Variants in GUCY1A2 observed in about 807,000 individuals in gnomAD.
The protein encoded by GUCY1A2 is guanylate cyclase 1 soluble subunit alpha 2, also known as guanylate cyclase soluble subunit alpha-2.
A neutral mutation model predicts 63.5 loss-of-function variants in GUCY1A2; 27 were observed. The observed-to-expected ratio is 0.43, with a 90% CI of 0.31 to 0.59. The LOEUF (loss-of-function observed/expected upper bound fraction) is 0.59. Among genes scored for constraint, GUCY1A2 ranks in the 20% least tolerant of loss-of-function variants. The pLI, the probability that GUCY1A2 is intolerant of heterozygous loss-of-function variation, is 0.11. For synonymous variants in GUCY1A2, 364 were observed against 343.5 expected (o/e 1.06, Z -0.66); for missense variants, 768 against 913.3 (o/e 0.84, Z 2.05).
intron 4 of GUCY1A2, among the ~76,000 whole-genome samples, chr11:106,878,816 G>GGGA (rs1253809796): frequency 6.6e-6 from 1 of 151,220 alleles, no homozygotes; most frequent in African/African-American, 2.4e-5. Context: ...AGTTGGAAAG[G>GGGA]GGAAGCAAAT....
intron 4 of GUCY1A2, among the ~76,000 whole-genome samples, chr11:106,846,666 C>A (rs1256355203): frequency 6.6e-6 from 1 of 151,656 alleles, no homozygotes; most frequent in Non-Finnish European, 1.5e-5. Flanking sequence ...TTGTTCTGAA[C>A]TGTACATCTG....
At chr11:106,723,424 G>T (rs1334711325) in intron 6 of GUCY1A2, among the ~76,000 whole-genome samples, 1 of 152,074 alleles carries the variant, frequency 6.6e-6, no homozygotes, top group South Asian at 2.1e-4. Context: ...TGTCTCCTTT[G>T]CTTAGTACTG....
chr11:106,839,905 T>G lies in GUCY1A2; in HGVS notation c.1207-29427A>C, dbSNP rs898161259. On this transcript the variant is annotated intron_variant, in intron 4 of 7. Transcript: ENST00000526355. ...GGATAGCATTAGGAGATATACCTAG[T>G]GTAAATGACGAGTTAATGGGTGCAG... Among the ~76,000 whole-genome samples, 4 of 151,132 alleles carry G rather than the reference T, an allele frequency of 2.6e-5. No homozygotes were observed. The East Asian group carries it at 7.9e-4, about 30-fold the overall frequency.
chr11:107,007,663 T>C (rs879769527), intron 1 of GUCY1A2, among the ~76,000 whole-genome samples: 1 of 152,220 alleles, frequency 6.6e-6, no homozygotes, highest in Non-Finnish European at 1.5e-5. Context: ...TAGGCAGTTC[T>C]CTTCCCCAAT....
chr11:107,013,959 T>C (rs927084238), intron 1 of GUCY1A2, among the ~76,000 whole-genome samples: 1 of 151,898 alleles, frequency 6.6e-6, no homozygotes, highest in African/African-American at 2.4e-5. Context: ...ACCTGCCACA[T>C]AGATACTACA....
chr11:106,828,937 C>G (rs1859013091), intron 4 of GUCY1A2, among the ~76,000 whole-genome samples: 1 of 152,158 alleles, frequency 6.6e-6, no homozygotes, highest in Non-Finnish European at 1.5e-5. Flanking sequence ...GATTTTCCTC[C>G]AACATTCGTG....
At chr11:106,898,371 G>C (rs1054336419) in intron 4 of GUCY1A2, among the ~76,000 whole-genome samples, 1 of 152,190 alleles carries the variant, frequency 6.6e-6, no homozygotes, top group African/African-American at 2.4e-5. Flanking sequence ...TTGAAAACAT[G>C]TATGCACACA....
chr11:106,820,390 C>T lies in GUCY1A2; in HGVS notation c.1207-9912G>A, dbSNP rs577197358. On this transcript the variant is annotated intron_variant, in intron 4 of 7. Coordinates refer to ENST00000526355, the MANE Select transcript of GUCY1A2 (RefSeq NM_000855.3). ...TGAGCAGCCAGTACTAGGCTAAGCA[C>T]TTTTTAAAAAAAATATTATTTATTT... 1.9e-3 allele frequency among the ~76,000 whole-genome samples: 295 copies of T among 152,172 alleles called. 3 individuals carry two copies. Among genetic ancestry groups the T allele is most frequent in the African/African-American group, 6.7e-3 (278 of 41,540 alleles).
At chr11:106,822,659 C>T (rs1444660076) in intron 4 of GUCY1A2, among the ~76,000 whole-genome samples, 1 of 152,110 alleles carries the variant, frequency 6.6e-6, no homozygotes, top group Non-Finnish European at 1.5e-5. Flanking sequence ...GGATAATAGC[C>T]TCCAGCTGAA....
At position 107,017,865 on chromosome 11, in the gene GUCY1A2, G is replaced by T; in HGVS notation, c.191C>A (p.Ala64Asp). The T allele has an allele frequency of 8.0e-7, 1 of 1,252,070 alleles. No individual in the cohort carries two copies. The highest frequency in any genetic ancestry group is 1.0e-6 in the Non-Finnish European group (1 of 997,208). The allele number at this position is 1,252,070 out of a possible 1,614,324, so 77.6% of individuals were successfully genotyped here. A position where few individuals can be genotyped will look rare whatever the true frequency, so the allele number is the denominator to read the frequency against. The change falls in exon 1 of 8, where the codon GCT becomes GAT. Residue 64 changes from alanine (A) to aspartate (D), a missense_variant. Ala to Asp is a moderately radical substitution (Grantham distance 126). This residue lies in a region of GUCY1A2 where 496 missense variants were observed against 486.9 expected (regional missense o/e 1.02). Transcript: ENST00000526355. ...AAAAAPAPTP[A>D]ASAAAAAATA... ...GGCAGCGGCGGCGGCGGCAGAAGCA[G>T]CCGGGGTCGGGGCCGGGGCGGCGGC...
At chr11:106,706,832 C>G (rs1384159768) in intron 7 of GUCY1A2, among the ~76,000 whole-genome samples, 1 of 152,172 alleles carries the variant, frequency 6.6e-6, no homozygotes, top group East Asian at 1.9e-4. Context: ...CAGAAAGTAT[C>G]AGAATCACTG....
In GUCY1A2 at chr11:106,683,056, C is replaced by T. The variant is rs564707098; in HGVS notation, c.*4493G>A. On this transcript the variant is annotated 3_prime_UTR_variant, in exon 8 of 8. Coordinates refer to ENST00000526355, the MANE Select transcript of GUCY1A2 (RefSeq NM_000855.3). ...AATAAATTTTGTTCAATCACATGAACACAATTTATGTGTATGTTAAACCAG... is the reference window on the plus strand; with the variant it reads ...AATAAATTTTGTTCAATCACATGAATACAATTTATGTGTATGTTAAACCAG... 1.8e-5 allele frequency: 4 copies of T among 217,846 alleles called. No individual in the cohort carries two copies. The highest frequency in any genetic ancestry group is 9.0e-5 in the African/African-American group (4 of 44,566). 13.5% of individuals were successfully genotyped at this position (217,846 alleles called of 1,614,324 possible).
chr11:106,751,830 A>G (rs1863887102), intron 6 of GUCY1A2, among the ~76,000 whole-genome samples: 1 of 152,192 alleles, frequency 6.6e-6, no homozygotes, highest in Non-Finnish European at 1.5e-5. Flanking sequence ...CAATGTATGA[A>G]AAATGAATAA....
intron 4 of GUCY1A2, among the ~76,000 whole-genome samples, chr11:106,876,474 A>G (rs1195906467): frequency 1.3e-5 from 2 of 152,112 alleles, no homozygotes; most frequent in Non-Finnish European, 2.9e-5. Context: ...ACATACGTAA[A>G]TAACTATGCA....
chr11:106,687,403 T>C lies in GUCY1A2; in HGVS notation c.*146A>G, dbSNP rs1862545252. 2.4e-5 allele frequency: 16 copies of C among 664,000 alleles called. No individual in the cohort carries two copies. In the East Asian group the frequency reaches 2.5e-4, roughly 10 times the overall value. The allele number at this position is 664,000 out of a possible 1,614,324, so 41.1% of individuals were successfully genotyped here. The stretch of plus-strand genomic sequence containing the variant: ...GACAGCGGTCACCTCCACCTTTTAG[T>C]AGGATTATTGCCTGACATAATACAG... On this transcript the variant is annotated 3_prime_UTR_variant, in exon 8 of 8. Transcript: ENST00000526355.
chr11:106,692,152 A>G (rs1055143245), intron 7 of GUCY1A2, among the ~76,000 whole-genome samples: 1 of 152,096 alleles, frequency 6.6e-6, no homozygotes, highest in African/African-American at 2.4e-5. Context: ...CTGCCTAACA[A>G]TCCATTTCTT....
At chr11:106,770,190 C>T (rs1864232199) in intron 6 of GUCY1A2, among the ~76,000 whole-genome samples, 1 of 152,034 alleles carries the variant, frequency 6.6e-6, no homozygotes, top group Non-Finnish European at 1.5e-5. Context: ...TAGTGTTGTA[C>T]ATGCATACAA....
chr11:106,690,042 A>G (rs972362463), intron 7 of GUCY1A2, among the ~76,000 whole-genome samples: 5 of 151,798 alleles, frequency 3.3e-5, no homozygotes, highest in Admixed American at 2.6e-4. Context: ...AAGGTTTTGG[A>G]GAAAAAGGAA....
Position 106,675,108 on chromosome 11 carries a change from G to A in GUCY1A2, c.*12441C>T, listed in dbSNP as rs777227660. ...GATTGAAGAGTCAGAATTCAGGTAG[G>A]TTGATTTTGAAATGAATGATATGTA... On this transcript the variant is annotated 3_prime_UTR_variant, in exon 8 of 8. Coordinates refer to ENST00000526355, the MANE Select transcript of GUCY1A2 (RefSeq NM_000855.3). 3 of 213,230 alleles carry A rather than the reference G, an allele frequency of 1.4e-5. No homozygotes were observed. Among genetic ancestry groups the A allele is most frequent in the Non-Finnish European group, 2.8e-5 (3 of 105,526 alleles). The allele number at this position is 213,230 out of a possible 1,614,324, so 13.2% of individuals were successfully genotyped here.
Sources: allele counts gnomAD v4.1 joint callset (sites outside exome capture counted in the v4.1 genomes callset), GRCh38; gene constraint gnomAD v4.1.1; regional missense constraint gnomAD v4.1.1; transcripts MANE v1.5; gene names NCBI Gene and HGNC (gene_info 2026-07-23, HGNC 2026-07-21).